DDX10: variants seen among roughly 807,000 people sequenced by gnomAD.
The protein encoded by DDX10 is DEAD-box helicase 10.
A neutral mutation model predicts 104.3 loss-of-function variants in DDX10; 74 were observed. That is an observed-to-expected ratio of 0.71 (90% CI 0.59 to 0.86). The LOEUF is 0.86. Among genes scored for constraint, DDX10 ranks in the 40% least tolerant of loss-of-function variants. The pLI, the probability that DDX10 is intolerant of heterozygous loss-of-function variation, is 0.00. For synonymous variants in DDX10, 351 were observed against 353.4 expected (o/e 0.99, Z 0.08); for missense variants, 952 against 1,040.0 (o/e 0.92, Z 1.16).
chr11:108,879,464 A>G lies in DDX10; in HGVS notation c.2304+27255A>G, dbSNP rs570394990. Among the ~76,000 whole-genome samples, 9 of 152,286 alleles carry G rather than the reference A, an allele frequency of 5.9e-5. No homozygotes were observed. In the East Asian group the frequency reaches 1.7e-3, roughly 29 times the overall value. On this transcript the variant is annotated intron_variant, in intron 16 of 17. Coordinates refer to ENST00000322536, the MANE Select transcript of DDX10 (RefSeq NM_004398.4). ...CTGTAGTGAAATTAATATAGGTATA[A>G]TATAATTTTCCTAAAATGGTAATTT...
At chr11:108,726,299 T>C (rs1283031137) in intron 13 of DDX10, among the ~76,000 whole-genome samples, 2 of 152,112 alleles carry the variant, frequency 1.3e-5, no homozygotes, top group African/African-American at 4.8e-5. Flanking sequence ...TGAGGTTGCA[T>C]TGAATCTGTA....
At chr11:108,682,170 T>A (rs1340670539) in intron 6 of DDX10, among the ~76,000 whole-genome samples, 1 of 152,156 alleles carries the variant, frequency 6.6e-6, no homozygotes, top group Non-Finnish European at 1.5e-5. Flanking sequence ...AGTGGCATGA[T>A]CTCGGGTCAC....
Position 108,841,523 on chromosome 11 carries a change from G to A in DDX10, c.2247+47G>A, listed in dbSNP as rs201943800. The A allele has an allele frequency of 1.0e-4, 154 of 1,526,246 alleles. No homozygotes were observed. The African/African-American group carries it at 1.5e-3, about 15-fold the overall frequency. The allele number at this position is 1,526,246 out of a possible 1,614,324, so 94.5% of individuals were successfully genotyped here. A position where few individuals can be genotyped will look rare whatever the true frequency, so the allele number is the denominator to read the frequency against. The stretch of plus-strand genomic sequence containing the variant: ...CATACTGAGTAAAATTTAGTGTCCC[G>A]AAGTATATCTAAATATTCATTAGCT... On this transcript the variant is annotated intron_variant, in intron 15 of 17. Coordinates refer to ENST00000322536, the MANE Select transcript of DDX10 (RefSeq NM_004398.4).
chr11:108,736,784 C>A (rs2094318973), intron 13 of DDX10, among the ~76,000 whole-genome samples: 1 of 152,160 alleles, frequency 6.6e-6, no homozygotes, highest in Non-Finnish European at 1.5e-5. Context: ...CTTGGACTTC[C>A]CAGCCTCCAG....
chr11:108,802,010 GGTGTGT>G (rs111450290), intron 13 of DDX10, among the ~76,000 whole-genome samples: 11 of 142,062 alleles, frequency 7.7e-5, no homozygotes, highest in East Asian at 2.1e-4. Context: ...AAGTGAGTGG[GGTGTGT>G]GTGTGTGTGT....
At chr11:108,790,556 G>A (rs1861856930) in intron 13 of DDX10, among the ~76,000 whole-genome samples, 1 of 152,078 alleles carries the variant, frequency 6.6e-6, no homozygotes, top group Non-Finnish European at 1.5e-5. Context: ...GTTTTCAAAT[G>A]CATTCTCCCT....
chr11:108,867,664 T>C (rs1863024557), intron 16 of DDX10, among the ~76,000 whole-genome samples: 1 of 152,212 alleles, frequency 6.6e-6, no homozygotes, highest in South Asian at 2.1e-4. Flanking sequence ...AACATGGTTT[T>C]GTGAGTTATA....
chr11:108,753,750 C>T (rs1270906792), intron 13 of DDX10, among the ~76,000 whole-genome samples: 1 of 151,966 alleles, frequency 6.6e-6, no homozygotes, highest in African/African-American at 2.4e-5. Flanking sequence ...TGAAATGAAT[C>T]TAGAAATTTT....
chr11:108,702,196 CTT>C (rs1209582375), intron 9 of DDX10, among the ~76,000 whole-genome samples: 1 of 152,032 alleles, frequency 6.6e-6, no homozygotes, highest in Non-Finnish European at 1.5e-5. Context: ...TTTTAAAAAA[CTT>C]ATTTTTAATA....
intron 16 of DDX10, among the ~76,000 whole-genome samples, chr11:108,897,603 G>A (rs1177693186): frequency 2.6e-5 from 4 of 152,046 alleles, no homozygotes; most frequent in Non-Finnish European, 4.4e-5. Flanking sequence ...ATGGAGTGGC[G>A]TTCTTTGCAA....
rs1449725722 is a variant in DDX10 at position 108,675,594 on chromosome 11, A to G, written c.248-2A>G. The G allele has an allele frequency of 9.3e-6, 15 of 1,613,268 alleles. No individual in the cohort carries two copies. Among genetic ancestry groups the G allele is most frequent in the Non-Finnish European group, 1.2e-5 (14 of 1,179,732 alleles). On this transcript the variant is annotated splice_acceptor_variant, in intron 2 of 17. Transcript: ENST00000322536. LOFTEE classifies it high-confidence loss of function. ...GTATAATTCTTCCCTCCATGTTGCC[A>G]GGTTTGCAAGAAGCTCAGTACCGTT... is the stretch of plus-strand genomic sequence containing the variant.
At chr11:108,895,792 G>T (rs1385720811) in intron 16 of DDX10, among the ~76,000 whole-genome samples, 1 of 151,970 alleles carries the variant, frequency 6.6e-6, no homozygotes, top group Non-Finnish European at 1.5e-5. Flanking sequence ...CACATATGAG[G>T]CTTCTGTTCC....
chr11:108,910,892 A>AGG (rs1056336132), intron 16 of DDX10, among the ~76,000 whole-genome samples: 32 of 152,060 alleles, frequency 2.1e-4, no homozygotes, highest in African/African-American at 7.7e-4. Flanking sequence ...CTAGTCAGTG[A>AGG]GGGGGTAGTG....
At chr11:108,680,864 T>A (rs1472038955) in intron 6 of DDX10, among the ~76,000 whole-genome samples, 1 of 152,210 alleles carries the variant, frequency 6.6e-6, no homozygotes, top group East Asian at 1.9e-4. Flanking sequence ...TCTTTGCTTC[T>A]GGGTGATCTT....
At chr11:108,802,264 T>C (rs1419406348) in intron 13 of DDX10, among the ~76,000 whole-genome samples, 1 of 152,202 alleles carries the variant, frequency 6.6e-6, no homozygotes, top group Non-Finnish European at 1.5e-5. Flanking sequence ...AAATCTGAAA[T>C]GCATCAGTGA....
chr11:108,900,405 G>A (rs1382807056), intron 16 of DDX10, among the ~76,000 whole-genome samples: 1 of 152,150 alleles, frequency 6.6e-6, no homozygotes, highest in Non-Finnish European at 1.5e-5. Context: ...AGATATATCA[G>A]CTCAGAATTC....
intron 13 of DDX10, among the ~76,000 whole-genome samples, chr11:108,758,194 T>A (rs1353767531): frequency 6.6e-6 from 1 of 152,054 alleles, no homozygotes; most frequent in Non-Finnish European, 1.5e-5. Flanking sequence ...TAGGTTATAC[T>A]TTTTGTATTC....
At chr11:108,803,080 G>C (rs1387737704) in intron 13 of DDX10, among the ~76,000 whole-genome samples, 2 of 152,174 alleles carry the variant, frequency 1.3e-5, no homozygotes, top group African/African-American at 4.8e-5. Context: ...GTCTCCAGCA[G>C]CTTTTGTTTT....
At chr11:108,778,051 A>C (rs1051118727) in intron 13 of DDX10, among the ~76,000 whole-genome samples, 5 of 152,254 alleles carry the variant, frequency 3.3e-5, no homozygotes, top group African/African-American at 1.2e-4. Flanking sequence ...AAGAGGACAC[A>C]AACACATGGA....
Sources: allele counts gnomAD v4.1 joint callset (sites outside exome capture counted in the v4.1 genomes callset), GRCh38; gene constraint gnomAD v4.1.1; transcripts MANE v1.5; gene names NCBI Gene and HGNC (gene_info 2026-07-23, HGNC 2026-07-21).